Variants in NMBR observed in about 807,000 individuals in gnomAD.
The protein encoded by NMBR is neuromedin-B receptor.
Under a neutral mutation model 20.5 loss-of-function variants are expected in NMBR, and 16 were observed. The observed-to-expected ratio is 0.78, with a 90% CI of 0.53 to 1.19. The LOEUF (loss-of-function observed/expected upper bound fraction) is 1.19, where lower values mean the gene tolerates loss of function less well. Ranked by LOEUF, NMBR falls within the 50% of genes most tolerant of loss-of-function variation. The pLI, the probability that NMBR is intolerant of heterozygous loss-of-function variation, is 0.00. For synonymous variants in NMBR, 212 were observed against 196.6 expected (o/e 1.08, Z -0.65); for missense variants, 582 against 499.1 (o/e 1.17, Z -1.58).
At chr6:142,116,871 A>G (rs959220021) in intron 1 of NMBR, among the ~76,000 whole-genome samples, 3 of 151,982 alleles carry the variant, frequency 2.0e-5, no homozygotes, top group African/African-American at 7.2e-5. Flanking sequence ...CATTAGCATA[A>G]TTGCTTTTTA....
At chr6:142,083,803 G>A (rs1380104503) in intron 2 of NMBR, among the ~76,000 whole-genome samples, 2 of 152,154 alleles carry the variant, frequency 1.3e-5, no homozygotes, top group Non-Finnish European at 2.9e-5. Flanking sequence ...GTGGAACTGT[G>A]AGTCAATTAA....
chr6:142,097,459 A>G (rs1246841092), intron 1 of NMBR, among the ~76,000 whole-genome samples: 1 of 152,080 alleles, frequency 6.6e-6, no homozygotes, highest in East Asian at 1.9e-4. Flanking sequence ...TAATACTCTA[A>G]CAAATCCATC....
chr6:142,112,134 A>T (rs1234043287), intron 1 of NMBR, among the ~76,000 whole-genome samples: 2 of 152,210 alleles, frequency 1.3e-5, no homozygotes, highest in East Asian at 3.9e-4. Context: ...CGAGACCAGC[A>T]TGGGCAAAAT....
chr6:142,144,093 G>A (rs1177748894), intron 1 of NMBR, among the ~76,000 whole-genome samples: 1 of 152,184 alleles, frequency 6.6e-6, no homozygotes, highest in African/African-American at 2.4e-5. Context: ...TCCCAGCCAT[G>A]GGCGGATGGG....
intron 1 of NMBR, chr6:142,133,053 T>C: frequency 1.9e-6 from 1 of 523,048 alleles, no homozygotes; most frequent in Non-Finnish European, 3.5e-6. Context: ...TGTTTTCTGC[T>C]GTAAGAGTCC....
In NMBR at chr6:142,088,599, G is replaced by C. The variant is rs200079850; in HGVS notation, c.60C>G (p.Ser20=). Residue 20 remains serine (S), a synonymous_variant, in exon 2 of 4, where the codon TCC becomes TCG. Transcript: ENST00000258042. ...SVTTGANESG[S]VPEGWERDFL... ...AATCCCTTTCCCACCCCTCGGGAACGGAACCGCTCTCATTCGCGCCGGTGG... is the reference window on the plus strand; with the variant it reads ...AATCCCTTTCCCACCCCTCGGGAACCGAACCGCTCTCATTCGCGCCGGTGG... 6.2e-7 allele frequency: 1 copy of C among 1,612,058 alleles called. No homozygotes were observed. Among genetic ancestry groups the C allele is most frequent in the Non-Finnish European group, 8.5e-7 (1 of 1,179,954 alleles).
chr6:142,144,306 T>C (rs1778398286), intron 1 of NMBR, among the ~76,000 whole-genome samples: 1 of 152,220 alleles, frequency 6.6e-6, no homozygotes, highest in African/African-American at 2.4e-5. Flanking sequence ...TTACATTGAC[T>C]GATGCCCTGT....
intron 1 of NMBR, among the ~76,000 whole-genome samples, chr6:142,090,045 TTGAG>T (rs1164684495): frequency 3.9e-5 from 6 of 152,180 alleles, no homozygotes; most frequent in African/African-American, 1.4e-4. Flanking sequence ...ATGCTTATGA[TTGAG>T]TAATGCCACT....
chr6:142,125,722 T>C (rs1022526330), intron 1 of NMBR, among the ~76,000 whole-genome samples: 1 of 152,020 alleles, frequency 6.6e-6, no homozygotes, highest in South Asian at 2.1e-4. Context: ...TTCAGATTTA[T>C]CATGGTATAC....
At chr6:142,123,322 G>C (rs771494480) in intron 1 of NMBR, among the ~76,000 whole-genome samples, 2 of 151,884 alleles carry the variant, frequency 1.3e-5, no homozygotes, top group Non-Finnish European at 2.9e-5. Context: ...ACCAGGAGTT[G>C]CTTCTTATGG....
intron 1 of NMBR, among the ~76,000 whole-genome samples, chr6:142,100,820 T>C (rs571269180): frequency 6.6e-5 from 10 of 152,346 alleles, no homozygotes; most frequent in African/African-American, 2.4e-4. Flanking sequence ...GAGACATAAC[T>C]ATACTTTCTT....
At chr6:142,111,839 A>G (rs1777769033) in intron 1 of NMBR, among the ~76,000 whole-genome samples, 1 of 152,202 alleles carries the variant, frequency 6.6e-6, no homozygotes, top group Admixed American at 6.5e-5. Flanking sequence ...TGGCTCCCAA[A>G]TAACTTGTTC....
Position 142,088,436 on chromosome 6 carries a change from T to C in NMBR, c.223A>G (p.Arg75Gly). 1 of 1,614,014 alleles carries C rather than the reference T, an allele frequency of 6.2e-7. No homozygotes were observed. The highest frequency in any genetic ancestry group is 1.3e-5 in the African/African-American group (1 of 74,984). ...GAGATGAAGATGTTGGGGACGCTCCTCATGGCGCTGTTGGTGATGAAGATC... is the reference window on the plus strand; with the variant it reads ...GAGATGAAGATGTTGGGGACGCTCCCCATGGCGCTGTTGGTGATGAAGATC... The part of the protein sequence containing the change: ...VKIFITNSAM[R>G]SVPNIFISNL... Residue 75 changes from arginine (R) to glycine (G), a missense_variant, in exon 2 of 4, where the codon AGG (arginine) becomes GGG (glycine). Physicochemically the swap from Arg to Gly is moderately radical, Grantham distance 125. Transcript: ENST00000258042.
At chr6:142,129,348 C>G (rs1227429586) in intron 1 of NMBR, among the ~76,000 whole-genome samples, 2 of 152,036 alleles carry the variant, frequency 1.3e-5, no homozygotes, top group African/African-American at 4.8e-5. Flanking sequence ...AGCAAACACC[C>G]TTGTATTGGT....
chr6:142,092,984 T>A (rs950980386), intron 1 of NMBR, among the ~76,000 whole-genome samples: 1 of 151,972 alleles, frequency 6.6e-6, no homozygotes, highest in East Asian at 1.9e-4. Flanking sequence ...AAACACATAG[T>A]TTTAGGTACA....
chr6:142,141,294 T>C (rs1197463278), intron 1 of NMBR, among the ~76,000 whole-genome samples: 1 of 152,052 alleles, frequency 6.6e-6, no homozygotes, highest in African/African-American at 2.4e-5. Flanking sequence ...GTTTGAAAAA[T>C]TAACAACATA....
At chr6:142,113,073 T>A (rs926722416) in intron 1 of NMBR, among the ~76,000 whole-genome samples, 3 of 152,198 alleles carry the variant, frequency 2.0e-5, no homozygotes, top group Middle Eastern at 3.4e-3. Flanking sequence ...TTTTCAAAAA[T>A]TTTTTAAATG....
chr6:142,103,162 A>C (rs1433079062), intron 1 of NMBR, among the ~76,000 whole-genome samples: 1 of 152,182 alleles, frequency 6.6e-6, no homozygotes, highest in Non-Finnish European at 1.5e-5. Flanking sequence ...TGATACTCTG[A>C]GAAGACCATG....
intron 1 of NMBR, among the ~76,000 whole-genome samples, chr6:142,093,233 T>C (rs1562236556): frequency 6.6e-6 from 1 of 151,682 alleles, no homozygotes; most frequent in African/African-American, 2.4e-5. Flanking sequence ...ACATGTGCCA[T>C]GTTGGTGTGC....
Sources: gnomAD v4.1 joint callset for allele counts (sites outside exome capture counted in the v4.1 genomes callset) on GRCh38, gnomAD v4.1.1 for gene constraint, MANE v1.5 for transcripts, NCBI Gene and HGNC (gene_info 2026-07-23, HGNC 2026-07-21) for gene names.